OXA1L: variants seen among roughly 807,000 people sequenced by gnomAD.
OXA1L encodes the protein mitochondrial inner membrane protein OXA1L.
OXA1L carries 42 observed loss-of-function variants against 52.2 expected under a neutral mutation model. The observed-to-expected ratio is 0.80, with a 90% confidence interval of 0.63 to 1.04. OXA1L has a LOEUF of 1.04. Ranked by LOEUF, OXA1L falls within the 50% of genes least tolerant of loss-of-function variation. The pLI is 0.00. For synonymous variants in OXA1L, 239 were observed against 201.9 expected, an observed-to-expected ratio of 1.18 and a Z score of -1.56; for missense variants, 572 against 555.0, an observed-to-expected ratio of 1.03 and a Z score of -0.31.
chr14:22,770,355 C>T, intron 5 of OXA1L, 77 bp downstream of exon 5: 1 of 1,522,210 alleles, frequency 6.6e-7, no homozygotes, highest in Non-Finnish European at 9.1e-7. Flanking sequence ...TGTCCCAGGT[C>T]CCCCAAAAAA....
intron 1 of OXA1L, chr14:22,766,977 T>C (rs1262999956): frequency 5.2e-6 from 8 of 1,528,552 alleles, no homozygotes; most frequent in East Asian, 2.4e-5. Flanking sequence ...GCTTGGCTCC[T>C]GGCGAGAGCA....
chr14:22,770,772 T>G (rs1214861250), intron 6 of OXA1L, 33 bp from the exon 7 acceptor site: 2 of 1,597,446 alleles, frequency 1.3e-6, no homozygotes, highest in Non-Finnish European at 8.6e-7. Flanking sequence ...ACTGACAGCT[T>G]TCCCGACTTT....
At position 22,772,407 on chromosome 14, in the gene OXA1L, T is replaced by G. The variant is rs1419566704; in HGVS notation, c.*849T>G. ...GGGAGGCTGAGGCAGGAGAATGGCG[T>G]GAACCCAGGAGGCAGAGCTTGCAGT... On this transcript the variant is annotated 3_prime_UTR_variant, in exon 10 of 10. Coordinates refer to ENST00000612549, the MANE Select transcript of OXA1L (RefSeq NM_005015.5). 3.6e-5 allele frequency: 5 copies of G among 137,192 alleles called. No individual in the cohort carries two copies. Among genetic ancestry groups the G allele is most frequent in the East Asian group, 2.2e-4 (1 of 4,456 alleles). The allele number at this position is 137,192 out of a possible 1,614,324, so 8.5% of individuals were successfully genotyped here.
At chr14:22,767,062 C>T (rs1451884750) in intron 1 of OXA1L, 186 bp from the exon 2 acceptor site, 6 of 1,536,366 alleles carry the variant, frequency 3.9e-6, no homozygotes, top group Non-Finnish European at 5.2e-6. Context: ...GTTCGAGCTT[C>T]GCTCTGCAGG....
In OXA1L at chr14:22,768,116, A is replaced by G. The variant is rs780557062; in HGVS notation, c.384A>G (p.Leu128=). The G allele has an allele frequency of 1.9e-6, 3 of 1,614,000 alleles. No homozygotes were observed. The highest frequency in any genetic ancestry group is 1.7e-6 in the Non-Finnish European group (2 of 1,180,000). ...CCCCAGTGGGACTGATCCAGAATTTACTGGAATTTATGCATGTTGATCTGG... is the reference window on the plus strand; with the variant it reads ...CCCCAGTGGGACTGATCCAGAATTTGCTGGAATTTATGCATGTTGATCTGG... ...SYTPVGLIQN[L]LEFMHVDLGL... is the part of the protein sequence containing the mutation. The change falls in exon 3 of 10, where the codon TTA becomes TTG. Residue 128 remains leucine (L), a synonymous_variant. Coordinates refer to ENST00000612549, the MANE Select transcript of OXA1L (RefSeq NM_005015.5).
chr14:22,769,362 C>T (rs1334805972), intron 3 of OXA1L, among the ~76,000 whole-genome samples: 2 of 152,184 alleles, frequency 1.3e-5, no homozygotes, highest in East Asian at 3.9e-4. Context: ...GTTCCATCCA[C>T]GTTGTCACAG....
At chr14:22,767,827 G>C (rs2038422601) in intron 2 of OXA1L, 131 bp from the exon 3 acceptor site, 1 of 649,428 alleles carries the variant, frequency 1.5e-6, no homozygotes, top group Non-Finnish European at 2.6e-6. Flanking sequence ...CTTGAAATCT[G>C]CAGACACTAG....
At chr14:22,770,311 C>T in intron 5 of OXA1L, 33 bp downstream of exon 5, 1 of 1,532,064 alleles carries the variant, frequency 6.5e-7, no homozygotes, top group Non-Finnish European at 9.0e-7. Context: ...TTATTTCATC[C>T]AGTACCCATG....
chr14:22,767,583 T>C (rs1356123602), intron 2 of OXA1L, 174 bp downstream of exon 2: 6 of 577,522 alleles, frequency 1.0e-5, no homozygotes, highest in East Asian at 3.0e-5. Flanking sequence ...AGTGGGGAAA[T>C]GATTGAAAGT....
At chr14:22,767,875 C>A in intron 2 of OXA1L, 83 bp from the exon 3 acceptor site, 1 of 1,055,094 alleles carries the variant, frequency 9.5e-7, no homozygotes, top group Non-Finnish European at 1.4e-6. Flanking sequence ...AGAACAGAAC[C>A]CAGTACTGGT....
Position 22,770,918 on chromosome 14 carries a change from T to C in OXA1L, c.939+9T>C. ...CCATGCATTTCCCCACGGTATGTAA[T>C]GCCTTATGGGCTGGCTCCAAGGCCT... On this transcript the variant is annotated intron_variant, in intron 7 of 9. Transcript: ENST00000612549. 6.2e-7 allele frequency: 1 copy of C among 1,613,358 alleles called. No homozygotes were observed. Among genetic ancestry groups the C allele is most frequent in the Non-Finnish European group, 8.5e-7 (1 of 1,179,250 alleles).
In OXA1L at chr14:22,772,330, A is replaced by T. The variant is rs983050223; in HGVS notation, c.*772A>T. 4.0e-5 allele frequency: 6 copies of T among 150,748 alleles called. No homozygotes were observed. The highest frequency in any genetic ancestry group is 5.9e-5 in the Non-Finnish European group (4 of 67,748). The allele number at this position is 150,748 out of a possible 1,614,324, so 9.3% of individuals were successfully genotyped here. On this transcript the variant is annotated 3_prime_UTR_variant, in exon 10 of 10. Transcript: ENST00000612549. ...AAACCCCGTCTCTACTAAAAAAAAAAAAAAAAAAATTAGCCGGGCATGGCG... is the reference window on the plus strand; with the variant it reads ...AAACCCCGTCTCTACTAAAAAAAAATAAAAAAAAATTAGCCGGGCATGGCG...
chr14:22,771,541 C>G lies in OXA1L; in HGVS notation c.1291C>G (p.His431Asp). 1 of 1,614,174 alleles carries G rather than the reference C, an allele frequency of 6.2e-7. No homozygotes were observed. Among genetic ancestry groups the G allele is most frequent in the Non-Finnish European group, 8.5e-7 (1 of 1,180,018 alleles). Residue 431 changes from histidine to aspartate, a missense_variant, in exon 10 of 10, where the codon CAC (histidine) becomes GAC (aspartate). His to Asp is a moderately conservative substitution (Grantham distance 81). Coordinates refer to ENST00000612549, the MANE Select transcript of OXA1L (RefSeq NM_005015.5). ...CAAACCAAAGTCAAAGTATCCCTGG[C>G]ACGACACACTTGGCTGACTTATGTT... The part of the protein sequence containing the change: ...SSKPKSKYPW[H>D]DTLG
intron 1 of OXA1L, chr14:22,767,042 G>A: frequency 1.3e-6 from 2 of 1,536,084 alleles, no homozygotes. Flanking sequence ...CTGAGATGCG[G>A]GGAACCCAGG....
In OXA1L at chr14:22,771,404, G is replaced by A. The variant is rs745574010; in HGVS notation, c.1184-30G>A. 1.4e-5 allele frequency: 23 copies of A among 1,613,734 alleles called. No individual in the cohort carries two copies. The African/African-American group carries it at 2.1e-4, about 15-fold the overall frequency. On this transcript the variant is annotated intron_variant, in intron 9 of 9. Coordinates refer to ENST00000612549, the MANE Select transcript of OXA1L (RefSeq NM_005015.5). ...TTTTGTTTCTTCCTTTCTGTTCTTCGTTGAAATTTGTTTTCTCTTCTCCCC... is the reference window on the plus strand; with the variant it reads ...TTTTGTTTCTTCCTTTCTGTTCTTCATTGAAATTTGTTTTCTCTTCTCCCC...
In OXA1L at chr14:22,767,988, C is replaced by G; in HGVS notation, c.256C>G (p.Pro86Ala). 1 of 1,613,642 alleles carries G rather than the reference C, an allele frequency of 6.2e-7. No homozygotes were observed. Among genetic ancestry groups the G allele is most frequent in the South Asian group, 1.1e-5 (1 of 91,070 alleles). The change falls in exon 3 of 10, where the codon CCC becomes GCC. Residue 86 changes from proline to alanine, a missense_variant. By Grantham distance (27) the Pro-to-Ala change is conservative (BLOSUM62 -1). This residue lies in a region of OXA1L where 186 missense variants were observed against 151.8 expected (regional missense o/e 1.23). Transcript: ENST00000612549. ...GGCCCCTCCTGTTGTTGCTGCAACT[C>G]CCTCACCCACAGCAGTACCTGAGGT... ...VQAPPVVAAT[P>A]SPTAVPEVAS...
Position 22,770,617 on chromosome 14 carries a change from G to C in OXA1L, c.826G>C (p.Val276Leu), listed in dbSNP as rs960404322. Residue 276 changes from valine to leucine, a missense_variant, in exon 6 of 10, where the codon GTT becomes CTT. By Grantham distance (32) the Val-to-Leu change is conservative (BLOSUM62 1). Around this residue, in one of 5 missense-constraint regions of OXA1L, gnomAD observed 244 missense variants for 240.2 expected, o/e 1.02. Transcript: ENST00000612549. ...GGCAGTCACTGCTACAATGTGGGCT[G>C]TTCTTGAGGTAAGCCCAGATTGGCC... The part of the protein sequence containing the change: ...PLAVTATMWA[V>L]LELGAETGVQ... The C allele has an allele frequency of 6.2e-7, 1 of 1,610,632 alleles. No homozygotes were observed. Among genetic ancestry groups the C allele is most frequent in the South Asian group, 1.1e-5 (1 of 91,054 alleles).
rs983050223 is a variant in OXA1L, at chr14:22,772,330, A to C, written c.*772A>C. 2 of 150,748 alleles carry C rather than the reference A, an allele frequency of 1.3e-5. No homozygotes were observed. Among genetic ancestry groups the C allele is most frequent in the African/African-American group, 2.4e-5 (1 of 40,898 alleles). The allele number at this position is 150,748 out of a possible 1,614,324, so 9.3% of individuals were successfully genotyped here. ...AAACCCCGTCTCTACTAAAAAAAAA[A>C]AAAAAAAAATTAGCCGGGCATGGCG... On this transcript the variant is annotated 3_prime_UTR_variant, in exon 10 of 10. Coordinates refer to ENST00000612549, the MANE Select transcript of OXA1L (RefSeq NM_005015.5).
In OXA1L at chr14:22,770,038, G is replaced by T. The variant is rs575036858; in HGVS notation, c.583+104G>T. ...TGTAAATCAGAAGTTGCCACAGTCG[G>T]GAAAGTTCTAAAGGTTTATCTGTTT... is the stretch of plus-strand genomic sequence containing the variant. On this transcript the variant is annotated intron_variant, in intron 4 of 9. Transcript: ENST00000612549. 5.4e-4 allele frequency: 801 copies of T among 1,490,316 alleles called. 8 individuals are homozygous for T. The South Asian group carries it at 8.7e-3, about 16-fold the overall frequency. 92.3% of individuals were successfully genotyped at this position (1,490,316 alleles called of 1,614,324 possible).
Sources: allele counts gnomAD v4.1 joint callset (sites outside exome capture counted in the v4.1 genomes callset), GRCh38; gene constraint gnomAD v4.1.1; regional missense constraint gnomAD v4.1.1; transcripts MANE v1.5; gene names NCBI Gene and HGNC (gene_info 2026-07-23, HGNC 2026-07-21).